ATXN10: variants seen among roughly 807,000 people sequenced by gnomAD.
The protein encoded by ATXN10 is ataxin-10.
ATXN10 carries 28 observed loss-of-function variants against 52.9 expected under a neutral mutation model. That is an observed-to-expected ratio of 0.53 (90% CI 0.39 to 0.73). ATXN10 has a LOEUF of 0.73. Ranked by LOEUF, ATXN10 falls within the 30% of genes least tolerant of loss-of-function variation. ATXN10 has a pLI of 0.00. For missense variants in ATXN10, 565 were observed against 577.0 expected (o/e 0.98, Z 0.21); for synonymous variants, 226 against 221.5 (o/e 1.02, Z -0.18).
rs377286249 is a variant in ATXN10, at chr22:45,754,689, C to A, written c.1173+14151C>A. Among the ~76,000 whole-genome samples, 1 of 152,258 alleles carries A rather than the reference C, an allele frequency of 6.6e-6. No homozygotes were observed. Among genetic ancestry groups the A allele is most frequent in the Admixed American group, 6.5e-5 (1 of 15,296 alleles). On this transcript the variant is annotated intron_variant, in intron 9 of 11. Coordinates refer to ENST00000252934, the MANE Select transcript of ATXN10 (RefSeq NM_013236.4). The surrounding 1 kb of genome is among the most constrained non-coding windows in gnomAD (Gnocchi z 5.4). Reference sequence around the variant, plus strand: ...CCAACATGGTGAAACCCCGACTCTACTAAAAATACAAAAAAATTAGCCAGA... The same window carrying A: ...CCAACATGGTGAAACCCCGACTCTAATAAAAATACAAAAAAATTAGCCAGA...
Position 45,775,790 on chromosome 22 carries a change from G to T in ATXN10, c.1174-31169G>T, listed in dbSNP as rs1926932162. Reference sequence around the variant, plus strand: ...ATGACCTGGGTCTCCGATTTATTTAGCACGGTAGCACCAATAATAAATATT... The same window carrying T: ...ATGACCTGGGTCTCCGATTTATTTATCACGGTAGCACCAATAATAAATATT... On this transcript the variant is annotated intron_variant, in intron 9 of 11. Coordinates refer to ENST00000252934, the MANE Select transcript of ATXN10 (RefSeq NM_013236.4). The surrounding 1 kb of genome is among the most constrained non-coding windows in gnomAD (Gnocchi z 4.7). Among the ~76,000 whole-genome samples the T allele has an allele frequency of 6.6e-6, 1 of 152,156 alleles. No individual in the cohort carries two copies. Among genetic ancestry groups the T allele is most frequent in the African/African-American group, 2.4e-5 (1 of 41,418 alleles).
Position 45,820,716 on chromosome 22 carries a change from T to C in ATXN10, c.1237+13694T>C, listed in dbSNP as rs1204828656. On this transcript the variant is annotated intron_variant, in intron 10 of 11. Coordinates refer to ENST00000252934, the MANE Select transcript of ATXN10 (RefSeq NM_013236.4). The surrounding 1 kb of genome is among the most constrained non-coding windows in gnomAD (Gnocchi z 4.9). The stretch of plus-strand genomic sequence containing the variant: ...TCAAGAGAAAAGATGTTGGACCCCG[T>C]GGCCGCAGGCATTGCCAGGGTGGTT... 6.6e-6 allele frequency among the ~76,000 whole-genome samples: 1 copy of C among 152,216 alleles called. No homozygotes were observed. Among genetic ancestry groups the C allele is most frequent in the Non-Finnish European group, 1.5e-5 (1 of 68,034 alleles).
intron 1 of ATXN10, among the ~76,000 whole-genome samples, chr22:45,680,386 C>G (rs903408234): frequency 2.0e-5 from 3 of 152,158 alleles, no homozygotes; most frequent in African/African-American, 7.2e-5. Context: ...ATAACAAAGA[C>G]ATCAATACCT....
At chr22:45,716,702 T>C (rs544157419) in intron 5 of ATXN10, among the ~76,000 whole-genome samples, 4 of 151,738 alleles carry the variant, frequency 2.6e-5, no homozygotes, top group African/African-American at 4.8e-5. Flanking sequence ...TTTGAGAGGA[T>C]AGAAAAAGAA....
chr22:45,790,845 T>G lies in ATXN10; in HGVS notation c.1174-16114T>G, dbSNP rs1927483471. 6.6e-6 allele frequency among the ~76,000 whole-genome samples: 1 copy of G among 152,180 alleles called. No individual in the cohort carries two copies. The highest frequency in any genetic ancestry group is 2.4e-5 in the African/African-American group (1 of 41,440). Reference sequence around the variant, plus strand: ...AGATCTTATTTCCCATTTCATTTATTTTTATTGTTTATTTTTCAAGACAGA... The same window carrying G: ...AGATCTTATTTCCCATTTCATTTATGTTTATTGTTTATTTTTCAAGACAGA... On this transcript the variant is annotated intron_variant, in intron 9 of 11. Coordinates refer to ENST00000252934, the MANE Select transcript of ATXN10 (RefSeq NM_013236.4). This position sits in a 1 kb window ranked among gnomAD's most constrained non-coding sequence, Gnocchi z 4.7.
In ATXN10 at chr22:45,781,453, G is replaced by A. The variant is rs1056678889; in HGVS notation, c.1174-25506G>A. ...ATCTTCACCACAACCTGGCAGTAGTGAGCTGCTCTGCCTTCCACGTGCTGT... is the reference window on the plus strand; with the variant it reads ...ATCTTCACCACAACCTGGCAGTAGTAAGCTGCTCTGCCTTCCACGTGCTGT... On this transcript the variant is annotated intron_variant, in intron 9 of 11. Transcript: ENST00000252934. This position sits in a 1 kb window ranked among gnomAD's most constrained non-coding sequence, Gnocchi z 4.2. Among the ~76,000 whole-genome samples the A allele has an allele frequency of 1.3e-5, 2 of 152,188 alleles. No individual in the cohort carries two copies. Among genetic ancestry groups the A allele is most frequent in the Non-Finnish European group, 2.9e-5 (2 of 68,046 alleles).
chr22:45,739,265 A>G (rs1032975529), intron 8 of ATXN10, among the ~76,000 whole-genome samples: 3 of 152,240 alleles, frequency 2.0e-5, no homozygotes, highest in Admixed American at 6.5e-5. Context: ...CATATTATAT[A>G]TACAAATCTT....
chr22:45,758,668 G>A (rs1569052934), intron 9 of ATXN10, among the ~76,000 whole-genome samples: 1 of 152,242 alleles, frequency 6.6e-6, no homozygotes, highest in Admixed American at 6.5e-5. Context: ...CTGGCCATGT[G>A]TTTGCACACG....
At position 45,788,964 on chromosome 22, in the gene ATXN10, A is replaced by G. The variant is rs1030453389; in HGVS notation, c.1174-17995A>G. On this transcript the variant is annotated intron_variant, in intron 9 of 11. Transcript: ENST00000252934. ...ATGCCCAGCCAGGAGCTTTTAAACT[A>G]TGTATCTGTGCCAGGACCGTCACCC... is the stretch of plus-strand genomic sequence containing the variant. Among the ~76,000 whole-genome samples the G allele has an allele frequency of 3.9e-5, 6 of 152,088 alleles. No individual in the cohort carries two copies. The South Asian group carries it at 6.2e-4, about 16-fold the overall frequency.
chr22:45,765,518 G>A (rs1569055796), intron 9 of ATXN10, among the ~76,000 whole-genome samples: 1 of 152,160 alleles, frequency 6.6e-6, no homozygotes, highest in Non-Finnish European at 1.5e-5. Flanking sequence ...GGACTGAGGG[G>A]TTGATTGTGG....
At position 45,677,203 on chromosome 22, in the gene ATXN10, T is replaced by G. The variant is rs1922732143; in HGVS notation, c.116+5024T>G. 6.6e-6 allele frequency: 1 copy of G among 152,246 alleles called. No homozygotes were observed. The highest frequency in any genetic ancestry group is 1.5e-5 in the Non-Finnish European group (1 of 68,028). The allele number at this position is 152,246 out of a possible 1,614,324, so 9.4% of individuals were successfully genotyped here. A position where few individuals can be genotyped will look rare whatever the true frequency, so the allele number is the denominator to read the frequency against. ...CTATAAATTCATCTCATACTTAAAC[T>G]GATACCTCATTGGTCTTCCACCTGA... On this transcript the variant is annotated intron_variant, in intron 1 of 11. Transcript: ENST00000252934. The surrounding 1 kb of genome is among the most constrained non-coding windows in gnomAD (Gnocchi z 4.1).
intron 7 of ATXN10, among the ~76,000 whole-genome samples, chr22:45,737,489 TAACTC>T (rs1925341222): frequency 6.6e-6 from 1 of 152,302 alleles, no homozygotes; most frequent in African/African-American, 2.4e-5. Context: ...TTTTCCCACT[TAACTC>T]TTTAGCAAAA....
chr22:45,828,018 C>G lies in ATXN10; in HGVS notation c.1238-14973C>G, dbSNP rs1928871999. Among the ~76,000 whole-genome samples, 1 of 151,766 alleles carries G rather than the reference C, an allele frequency of 6.6e-6. No individual in the cohort carries two copies. The highest frequency in any genetic ancestry group is 1.5e-5 in the Non-Finnish European group (1 of 67,934). On this transcript the variant is annotated intron_variant, in intron 10 of 11. Coordinates refer to ENST00000252934, the MANE Select transcript of ATXN10 (RefSeq NM_013236.4). This position sits in a 1 kb window ranked among gnomAD's most constrained non-coding sequence, Gnocchi z 4.5. ...GGAAATTAAAAAACATACTGTTAAC[C>G]AGTAGATCAAAGAAGAAATCACAAG...
intron 6 of ATXN10, among the ~76,000 whole-genome samples, chr22:45,723,181 A>G (rs533922439): frequency 6.6e-6 from 1 of 152,178 alleles, no homozygotes; most frequent in African/African-American, 2.4e-5. Flanking sequence ...ATATATATGT[A>G]GATAGATCCA....
chr22:45,746,974 G>C (rs1190023460), intron 9 of ATXN10, among the ~76,000 whole-genome samples: 1 of 152,070 alleles, frequency 6.6e-6, no homozygotes, highest in Non-Finnish European at 1.5e-5. Flanking sequence ...CACTTTATTT[G>C]GGTATCACTC....
chr22:45,773,316 A>G (rs891723461), intron 9 of ATXN10, among the ~76,000 whole-genome samples: 1 of 152,000 alleles, frequency 6.6e-6, no homozygotes, highest in African/African-American at 2.4e-5. Context: ...TCCAATTTGT[A>G]TGCCTTTTAT....
At chr22:45,709,027 A>G (rs1263093167) in intron 5 of ATXN10, among the ~76,000 whole-genome samples, 4 of 152,174 alleles carry the variant, frequency 2.6e-5, no homozygotes, top group Non-Finnish European at 5.9e-5. Flanking sequence ...TTTTGTTAGT[A>G]TTTGGGTTAT....
rs1216808943 is a variant in ATXN10 at position 45,727,319 on chromosome 22, GTCTA to G, written c.729-2096_729-2093del. 2.1e-4 allele frequency among the ~76,000 whole-genome samples: 28 copies of G among 136,250 alleles called. No homozygotes were observed. Among genetic ancestry groups the G allele is most frequent in the African/African-American group, 7.3e-4 (26 of 35,760 alleles). The allele number at this position is 136,250 out of a possible 152,430, so 89.4% of individuals were successfully genotyped here. On this transcript the variant is annotated intron_variant, in intron 6 of 11. Coordinates refer to ENST00000252934, the MANE Select transcript of ATXN10 (RefSeq NM_013236.4). The surrounding 1 kb of genome is among the most constrained non-coding windows in gnomAD (Gnocchi z 4.6). ...ATACTTGATATAGTTCTGTCTGTCTGTCTATCTATCTATATCTATCTATCTATCT... is the reference window on the plus strand; with the variant it reads ...ATACTTGATATAGTTCTGTCTGTCTGTCTATCTATATCTATCTATCTATCT...
At chr22:45,716,454 G>A (rs1346707825) in intron 5 of ATXN10, among the ~76,000 whole-genome samples, 1 of 150,834 alleles carries the variant, frequency 6.6e-6, no homozygotes, top group Non-Finnish European at 1.5e-5. Context: ...TCATACCTCT[G>A]CCTCCCGAGT....
Sources: allele counts gnomAD v4.1 joint callset (sites outside exome capture counted in the v4.1 genomes callset), GRCh38; gene constraint gnomAD v4.1.1; non-coding constraint Gnocchi (gnomAD v3.1); transcripts MANE v1.5; gene names NCBI Gene and HGNC (gene_info 2026-07-23, HGNC 2026-07-21).